Variants in PRR16 observed in about 807,000 individuals in gnomAD.
The protein encoded by PRR16 is protein Largen.
PRR16 carries 6 observed loss-of-function variants against 18.2 expected under a neutral mutation model. The observed-to-expected ratio is 0.33, with a 90% CI of 0.18 to 0.65. The LOEUF (loss-of-function observed/expected upper bound fraction) is 0.65, where lower values mean the gene tolerates loss of function less well. PRR16 is among the 30% of genes least tolerant of loss of function. The pLI is 0.74. For missense variants in PRR16, 412 were observed against 376.6 expected, an observed-to-expected ratio of 1.09 and a Z score of -0.78; for synonymous variants, 151 against 147.8, an observed-to-expected ratio of 1.02 and a Z score of -0.16.
At chr5:120,578,825 T>G (rs1052629639) in intron 1 of PRR16, among the ~76,000 whole-genome samples, 2 of 152,194 alleles carry the variant, frequency 1.3e-5, no homozygotes, top group Non-Finnish European at 2.9e-5. Flanking sequence ...ATTGCCATAC[T>G]GTCTTCCACA....
At chr5:120,737,363 A>AT in the PRR16 span, among the ~76,000 whole-genome samples, 3,922 of 42,518 alleles carry the variant, frequency 0.092, 173 homozygotes, top group African/African-American at 0.2. Flanking sequence ...AATTTTGTCA[A>AT]TTTTTTTTTG....
chr5:120,754,565 AAT>A, the PRR16 span, among the ~76,000 whole-genome samples: 1 of 59,472 alleles, frequency 1.7e-5, no homozygotes, highest in Admixed American at 2.4e-4. Flanking sequence ...TATATTATAT[AAT>A]ATATTTATAT....
downstream of PRR16, among the ~76,000 whole-genome samples, chr5:120,689,846 GC>G (rs1405357923): frequency 6.6e-6 from 1 of 151,440 alleles, no homozygotes; most frequent in African/African-American, 2.4e-5. Flanking sequence ...AATAAAAATT[GC>G]CCAAAGTTAT....
At chr5:120,729,904 C>T in the PRR16 span, among the ~76,000 whole-genome samples, 1 of 152,052 alleles carries the variant, frequency 6.6e-6, no homozygotes, top group Admixed American at 6.6e-5. Context: ...TTTCTGTGGT[C>T]AAGTGGCTTT....
chr5:120,556,339 C>A (rs1752411813), intron 1 of PRR16, among the ~76,000 whole-genome samples: 2 of 144,816 alleles, frequency 1.4e-5, no homozygotes, highest in South Asian at 4.4e-4. Context: ...TTTAATTTAT[C>A]CAGTTGGCTT....
At chr5:120,690,595 A>G (rs1322436863), downstream of PRR16, among the ~76,000 whole-genome samples, 1 of 152,242 alleles carries the variant, frequency 6.6e-6, no homozygotes, top group African/African-American at 2.4e-5. Context: ...AGTGCACAGC[A>G]TCAATTACTA....
chr5:120,479,674 AAAG>A (rs1394404561), intron 1 of PRR16, among the ~76,000 whole-genome samples: 1 of 152,154 alleles, frequency 6.6e-6, no homozygotes, highest in African/African-American at 2.4e-5. Context: ...TAGCACTTGT[AAAG>A]AAGAAGATAA....
chr5:120,605,908 G>T (rs564986304), intron 1 of PRR16, among the ~76,000 whole-genome samples: 6 of 152,262 alleles, frequency 3.9e-5, no homozygotes, highest in African/African-American at 1.4e-4. Context: ...TGCATTCACA[G>T]TCCATTGGCA....
intron 1 of PRR16, among the ~76,000 whole-genome samples, chr5:120,587,937 C>A (rs998897350): frequency 6.6e-6 from 1 of 152,114 alleles, no homozygotes; most frequent in African/African-American, 2.4e-5. Flanking sequence ...CCATTAAGAA[C>A]GTTTGTGATT....
At chr5:120,712,382 A>T in the PRR16 span, among the ~76,000 whole-genome samples, 3 of 152,080 alleles carry the variant, frequency 2.0e-5, no homozygotes, top group African/African-American at 7.2e-5. Flanking sequence ...ACCTACAGCT[A>T]TACGTTTCTT....
the PRR16 span, among the ~76,000 whole-genome samples, chr5:120,701,539 A>C: frequency 6.6e-6 from 1 of 152,168 alleles, no homozygotes; most frequent in Non-Finnish European, 1.5e-5. Flanking sequence ...CACGGAACGA[A>C]ACTGAAAGCC....
intron 1 of PRR16, among the ~76,000 whole-genome samples, chr5:120,516,149 C>T (rs576194376): frequency 1.3e-4 from 20 of 152,028 alleles, no homozygotes; most frequent in African/African-American, 4.6e-4. Flanking sequence ...AAAAGCTGGT[C>T]GTGGTGGTTT....
intron 1 of PRR16, among the ~76,000 whole-genome samples, chr5:120,607,389 C>G (rs1754187875): frequency 6.6e-6 from 1 of 152,008 alleles, no homozygotes; most frequent in South Asian, 2.1e-4. Context: ...ATGGAAGAAA[C>G]TAAAACAAAC....
intron 1 of PRR16, among the ~76,000 whole-genome samples, chr5:120,541,165 G>C (rs1751902249): frequency 6.6e-6 from 1 of 151,868 alleles, no homozygotes. Context: ...GTTTTTTTTG[G>C]AGATGGAGTC....
intron 1 of PRR16, among the ~76,000 whole-genome samples, chr5:120,590,181 TCC>T (rs200213938): frequency 0.059 from 9,028 of 152,166 alleles, 370 homozygotes; most frequent in South Asian, 0.084. Context: ...CCTTAACAAG[TCC>T]TGATCCCCAA....
At chr5:120,643,665 C>A (rs1302435272) in intron 1 of PRR16, among the ~76,000 whole-genome samples, 1 of 152,006 alleles carries the variant, frequency 6.6e-6, no homozygotes, top group African/African-American at 2.4e-5. Context: ...CAGATAGGAC[C>A]TCAGTAAACC....
chr5:120,703,886 G>A, the PRR16 span, among the ~76,000 whole-genome samples: 7 of 152,188 alleles, frequency 4.6e-5, no homozygotes, highest in African/African-American at 4.8e-5. Context: ...AATAGCTGTC[G>A]ATTATGTAAT....
chr5:120,736,563 T>TG, the PRR16 span, among the ~76,000 whole-genome samples: 3 of 139,546 alleles, frequency 2.1e-5, no homozygotes, highest in East Asian at 2.0e-4. Flanking sequence ...TTTTTTTTTT[T>TG]GACTATTTGG....
At chr5:120,570,234 C>A (rs1200176514) in intron 1 of PRR16, among the ~76,000 whole-genome samples, 1 of 152,082 alleles carries the variant, frequency 6.6e-6, no homozygotes, top group African/African-American at 2.4e-5. Flanking sequence ...ACCAGTGATA[C>A]CTGTGGATAG....
Sources: gnomAD v4.1 joint callset for allele counts (sites outside exome capture counted in the v4.1 genomes callset) on GRCh38, gnomAD v4.1.1 for gene constraint, MANE v1.5 for transcripts, NCBI Gene and HGNC (gene_info 2026-07-23, HGNC 2026-07-21) for gene names.